The following LDB2 variants were observed in gnomAD, a reference collection of about 807,000 sequenced individuals.
LDB2 encodes the protein LIM domain-binding protein 2.
LDB2 carries 12 observed loss-of-function variants against 44.3 expected under a neutral mutation model. The observed-to-expected ratio is 0.27, with a 90% CI of 0.17 to 0.44. The LOEUF (loss-of-function observed/expected upper bound fraction) is 0.44. LDB2 is among the 20% of genes least tolerant of loss of function. The probability of loss-of-function intolerance (pLI) is 1.00; values close to 1 mark genes in which losing one functional copy is unlikely to be tolerated. For missense variants in LDB2, 344 were observed against 473.5 expected (o/e 0.73, Z 2.54); for synonymous variants, 164 against 174.8 (o/e 0.94, Z 0.49).
intron 2 of LDB2, among the ~76,000 whole-genome samples, chr4:16,715,976 A>T (rs997658209): frequency 6.6e-6 from 1 of 152,162 alleles, no homozygotes. Flanking sequence ...ATTTAAAAGC[A>T]AGCTAACATA....
intron 1 of LDB2, among the ~76,000 whole-genome samples, chr4:16,823,547 T>C (rs983493286): frequency 6.6e-6 from 1 of 152,032 alleles, no homozygotes; most frequent in African/African-American, 2.4e-5. Flanking sequence ...AGATAGAAAA[T>C]AAAACACAAA....
intron 2 of LDB2, among the ~76,000 whole-genome samples, chr4:16,644,451 G>A (rs1324814357): frequency 6.7e-6 from 1 of 148,162 alleles, no homozygotes; most frequent in Non-Finnish European, 1.5e-5. Flanking sequence ...TTTTGAGATG[G>A]AGTCTCACTC....
In LDB2 at chr4:16,711,462, T is replaced by C. The variant is rs899483923; in HGVS notation, c.235+47696A>G. Among the ~76,000 whole-genome samples, 6 of 152,120 alleles carry C rather than the reference T, an allele frequency of 3.9e-5. No homozygotes were observed. In the East Asian group the frequency reaches 5.8e-4, roughly 15 times the overall value. Reference sequence around the variant, plus strand: ...TGAAGATGGGAAAAAGTGAGGATGATTGTGTTGGCAGGGACAAGATTGCTA... The same window carrying C: ...TGAAGATGGGAAAAAGTGAGGATGACTGTGTTGGCAGGGACAAGATTGCTA... On this transcript the variant is annotated intron_variant, in intron 2 of 7. Transcript: ENST00000304523.
At chr4:16,651,797 C>T (rs1352442758) in intron 2 of LDB2, among the ~76,000 whole-genome samples, 1 of 152,110 alleles carries the variant, frequency 6.6e-6, no homozygotes, top group Non-Finnish European at 1.5e-5. Context: ...TAGACTTGGT[C>T]ACTCAATCCT....
chr4:16,580,978 T>C (rs1342102611), intron 5 of LDB2, among the ~76,000 whole-genome samples: 2 of 152,190 alleles, frequency 1.3e-5, no homozygotes, highest in Non-Finnish European at 2.9e-5. Flanking sequence ...CATGCAAGAA[T>C]TTCATATTAG....
At chr4:16,870,507 C>A (rs1223879483) in intron 1 of LDB2, among the ~76,000 whole-genome samples, 1 of 152,080 alleles carries the variant, frequency 6.6e-6, no homozygotes, top group African/African-American at 2.4e-5. Context: ...ACCCCCACTC[C>A]CCTTAACATC....
intron 1 of LDB2, among the ~76,000 whole-genome samples, chr4:16,787,906 C>G (rs1347532021): frequency 6.6e-6 from 1 of 151,934 alleles, no homozygotes; most frequent in Admixed American, 6.6e-5. Context: ...AAGTCAGGAC[C>G]CAAATTCAGA....
At chr4:16,851,768 C>T (rs158274) in intron 1 of LDB2, among the ~76,000 whole-genome samples, 72,978 of 151,824 alleles carry the variant, frequency 0.48, 18,678 homozygotes, top group African/African-American at 0.66. Flanking sequence ...GAGAAGGAAG[C>T]GAAGACATAC....
chr4:16,627,848 A>C (rs1250898716), intron 2 of LDB2, among the ~76,000 whole-genome samples: 1 of 152,232 alleles, frequency 6.6e-6, no homozygotes, highest in Middle Eastern at 3.2e-3. Flanking sequence ...TGGGTGACTT[A>C]GCACATATTC....
chr4:16,820,002 A>G (rs1218941707), intron 1 of LDB2, among the ~76,000 whole-genome samples: 1 of 152,238 alleles, frequency 6.6e-6, no homozygotes, highest in East Asian at 1.9e-4. Context: ...GTAGTCAGCC[A>G]ACAAGCATGA....
chr4:16,890,806 T>C (rs1256818025), intron 1 of LDB2, among the ~76,000 whole-genome samples: 1 of 152,196 alleles, frequency 6.6e-6, no homozygotes, highest in Admixed American at 6.5e-5. Flanking sequence ...GGCAGGCATT[T>C]ACTCTCATGA....
intron 2 of LDB2, among the ~76,000 whole-genome samples, chr4:16,635,932 C>T (rs1398918404): frequency 3.9e-5 from 6 of 152,092 alleles, no homozygotes; most frequent in East Asian, 1.9e-4. Flanking sequence ...GTTTTGGAGG[C>T]TCTGGTCTTC....
chr4:16,707,821 A>C (rs1042227419), intron 2 of LDB2, among the ~76,000 whole-genome samples: 2 of 151,668 alleles, frequency 1.3e-5, no homozygotes, highest in Non-Finnish European at 2.9e-5. Context: ...CTTGGGTAGA[A>C]AAATACATCG....
intron 7 of LDB2, among the ~76,000 whole-genome samples, chr4:16,507,870 A>C (rs766785282): frequency 1.3e-5 from 2 of 152,236 alleles, no homozygotes; most frequent in Non-Finnish European, 2.9e-5. Context: ...AGTTTTCACT[A>C]TATGGGATTA....
At chr4:16,854,117 C>T (rs1218681026) in intron 1 of LDB2, among the ~76,000 whole-genome samples, 1 of 151,638 alleles carries the variant, frequency 6.6e-6, no homozygotes, top group African/African-American at 2.4e-5. Flanking sequence ...TTGATTCTTA[C>T]TAAATGAGTA....
intron 5 of LDB2, among the ~76,000 whole-genome samples, chr4:16,562,694 G>T (rs1266595263): frequency 6.6e-6 from 1 of 152,212 alleles, no homozygotes; most frequent in Non-Finnish European, 1.5e-5. Flanking sequence ...AATACCATTT[G>T]ACCCAGCCAT....
intron 2 of LDB2, among the ~76,000 whole-genome samples, chr4:16,750,069 G>A (rs1566068): frequency 0.2 from 31,039 of 151,978 alleles, 4,650 homozygotes; most frequent in East Asian, 0.41. Context: ...ACATATACTT[G>A]GTGAAATTAT....
At chr4:16,738,870 G>T (rs1201080401) in intron 2 of LDB2, among the ~76,000 whole-genome samples, 3 of 152,264 alleles carry the variant, frequency 2.0e-5, no homozygotes, top group South Asian at 4.1e-4. Context: ...CTGAATTCAG[G>T]CTGGCTGATA....
chr4:16,892,116 A>G (rs1432563878), intron 1 of LDB2, among the ~76,000 whole-genome samples: 1 of 152,202 alleles, frequency 6.6e-6, no homozygotes, highest in South Asian at 2.1e-4. Context: ...CATATATGCT[A>G]TTCTATGACT....
Sources: gnomAD v4.1 joint callset for allele counts (sites outside exome capture counted in the v4.1 genomes callset) on GRCh38, gnomAD v4.1.1 for gene constraint, MANE v1.5 for transcripts, NCBI Gene and HGNC (gene_info 2026-07-23, HGNC 2026-07-21) for gene names.